The following PROSER1 variants were observed in gnomAD, a reference collection of about 807,000 sequenced individuals.
PROSER1 encodes the protein proline and serine-rich protein 1.
A neutral mutation model predicts 71.8 loss-of-function variants in PROSER1; 36 were observed. The observed-to-expected ratio is 0.50, with a 90% CI of 0.38 to 0.66. PROSER1 has a LOEUF of 0.66. Among genes scored for constraint, PROSER1 ranks in the 30% least tolerant of loss-of-function variants. The pLI is 0.00. For synonymous variants in PROSER1, 490 were observed against 452.4 expected (o/e 1.08, Z -1.06); for missense variants, 1,107 against 1,135.0 (o/e 0.98, Z 0.35).
chr13:39,033,086 C>A (rs978510189), intron 2 of PROSER1, among the ~76,000 whole-genome samples: 3 of 152,068 alleles, frequency 2.0e-5, no homozygotes, highest in Non-Finnish European at 4.4e-5. Context: ...ATGCCCGGCT[C>A]ATTTTTGTAT....
chr13:39,011,161 C>T lies in PROSER1; in HGVS notation c.*204G>A. 2 of 548,582 alleles carry T rather than the reference C, an allele frequency of 3.6e-6. No individual in the cohort carries two copies. Among genetic ancestry groups the T allele is most frequent in the Non-Finnish European group, 6.5e-6 (2 of 307,356 alleles). The allele number at this position is 548,582 out of a possible 1,614,324, so 34.0% of individuals were successfully genotyped here. ...CACTTTTTAAATACCATTCTCCATA[C>T]AATTTATTGTCAGCATATTTACATA... On this transcript the variant is annotated 3_prime_UTR_variant, in exon 13 of 13. Transcript: ENST00000352251.
Position 39,014,311 on chromosome 13 carries a change from G to C in PROSER1, c.941C>G (p.Pro314Arg), listed in dbSNP as rs189331629. ...SGMNLLNTVL[P>R]VFPGQVSSAV... ...TGAGGAGACCTGCCCTGGGAACACA[G>C]GAAGGACAGTATTCAGCAGGTTCAT... Residue 314 changes from proline to arginine, a missense_variant, in exon 11 of 13, where the codon CCT (proline) becomes CGT (arginine). Physicochemically the swap from Pro to Arg is moderately radical, Grantham distance 103 (BLOSUM62 -2). Coordinates refer to ENST00000352251, the MANE Select transcript of PROSER1 (RefSeq NM_025138.5). The C allele has an allele frequency of 1.2e-6, 2 of 1,614,122 alleles. No homozygotes were observed. Among genetic ancestry groups the C allele is most frequent in the Non-Finnish European group, 1.7e-6 (2 of 1,180,022 alleles).
rs1362122987 is a variant in PROSER1, at chr13:39,010,022, T to C, written c.*1343A>G. The C allele has an allele frequency of 6.6e-6, 1 of 152,534 alleles. No homozygotes were observed. Among genetic ancestry groups the C allele is most frequent in the Non-Finnish European group, 1.5e-5 (1 of 68,024 alleles). The allele number at this position is 152,534 out of a possible 1,614,324, so 9.4% of individuals were successfully genotyped here. A position where few individuals can be genotyped will look rare whatever the true frequency, so the allele number is the denominator to read the frequency against. ...ATGACTTTTACATTAAAATATCATTTAAACGAATGAGCAATCAGTAGTATA... is the reference window on the plus strand; with the variant it reads ...ATGACTTTTACATTAAAATATCATTCAAACGAATGAGCAATCAGTAGTATA... On this transcript the variant is annotated 3_prime_UTR_variant, in exon 13 of 13. Coordinates refer to ENST00000352251, the MANE Select transcript of PROSER1 (RefSeq NM_025138.5).
chr13:39,026,414 G>A, intron 5 of PROSER1, 27 bp from the exon 6 acceptor site: 2 of 1,470,330 alleles, frequency 1.4e-6, no homozygotes, highest in Non-Finnish European at 1.9e-6. Context: ...AAGAGGGGTA[G>A]GAAAAAAATT....
chr13:39,032,662 A>G (rs8000929), intron 2 of PROSER1, among the ~76,000 whole-genome samples: 22,083 of 152,082 alleles, frequency 0.15, 1,930 homozygotes, highest in African/African-American at 0.24. Flanking sequence ...ATAAACGTCT[A>G]TGTCCTTAAC....
At position 39,034,119 on chromosome 13, in the gene PROSER1, A is replaced by G; in HGVS notation, c.111+12T>C. ...AAAAGAAAGCTTTGTTTAAACAAAT[A>G]ATGAGGAATACCTGTTCACTAGAAA... On this transcript the variant is annotated intron_variant, in intron 2 of 12. Coordinates refer to ENST00000352251, the MANE Select transcript of PROSER1 (RefSeq NM_025138.5). The G allele has an allele frequency of 6.5e-7, 1 of 1,545,008 alleles. No homozygotes were observed. The highest frequency in any genetic ancestry group is 2.3e-5 in the East Asian group (1 of 42,854).
intron 9 of PROSER1, 103 bp downstream of exon 9, chr13:39,022,223 T>C (rs1474062002): frequency 3.8e-6 from 3 of 794,634 alleles, no homozygotes; most frequent in Non-Finnish European, 6.7e-6. Flanking sequence ...ACTCTTGAGC[T>C]TGTGTTCCCT....
At chr13:39,012,655 G>T in intron 11 of PROSER1, 36 bp downstream of exon 11, 1 of 1,418,652 alleles carries the variant, frequency 7.0e-7, no homozygotes, top group East Asian at 2.3e-5. Flanking sequence ...GTTAGGTGAA[G>T]AATAATTTTA....
intron 10 of PROSER1, among the ~76,000 whole-genome samples, chr13:39,014,702 C>T (rs1191380199): frequency 6.6e-6 from 1 of 152,184 alleles, no homozygotes; most frequent in Non-Finnish European, 1.5e-5. Context: ...AAATAGCCCT[C>T]CAAATCACAG....
intron 7 of PROSER1, among the ~76,000 whole-genome samples, chr13:39,024,154 A>G (rs1870430451): frequency 6.6e-6 from 1 of 152,134 alleles, no homozygotes; most frequent in East Asian, 1.9e-4. Flanking sequence ...TTTCACTAAC[A>G]CTAATTCAGC....
intron 2 of PROSER1, among the ~76,000 whole-genome samples, chr13:39,032,059 A>G (rs1157105118): frequency 6.6e-6 from 1 of 152,212 alleles, no homozygotes; most frequent in Non-Finnish European, 1.5e-5. Flanking sequence ...ATCAAATGTC[A>G]GCTCAGGATT....
At chr13:39,026,207 T>C in intron 6 of PROSER1, 70 bp downstream of exon 6, 1 of 971,010 alleles carries the variant, frequency 1.0e-6, no homozygotes, top group Non-Finnish European at 1.6e-6. Context: ...CCTTTAAATA[T>C]CATTAACTTA....
chr13:39,011,965 TCTG>T, intron 12 of PROSER1, 115 bp downstream of exon 12: 1 of 1,075,104 alleles, frequency 9.3e-7, no homozygotes, highest in Non-Finnish European at 1.4e-6. Context: ...CTCTATGCAT[TCTG>T]CTAAGAGCCA....
chr13:39,022,376 T>C lies in PROSER1; in HGVS notation c.680A>G (p.Asn227Ser), dbSNP rs1343113677. Residue 227 changes from asparagine (N) to serine (S), a missense_variant, in exon 9 of 13, where the codon AAT becomes AGT. By Grantham distance (46) the Asn-to-Ser change is conservative (BLOSUM62 1). Coordinates refer to ENST00000352251, the MANE Select transcript of PROSER1 (RefSeq NM_025138.5). ...YNNAGLVPLANVIAPPPPPYT... is the reference protein window; with the variant it reads ...YNNAGLVPLASVIAPPPPPYT... ...TGGAGGTGGAGGTGGAGCTATGACA[T>C]TCGCTAATGGTACCAGACCTGCATT... 1 of 1,613,052 alleles carries C rather than the reference T, an allele frequency of 6.2e-7. No homozygotes were observed. Among genetic ancestry groups the C allele is most frequent in the East Asian group, 2.2e-5 (1 of 44,854 alleles).
rs745947407 is a variant in PROSER1 at position 39,013,408 on chromosome 13, G to A, written c.1844C>T (p.Thr615Ile). ...VMIKTEPTSPTPSAFKGPSHS... is the reference protein window; with the variant it reads ...VMIKTEPTSPIPSAFKGPSHS... ...AGATGGACCTTTGAAGGCCGAGGGA[G>A]TAGGACTTGTGGGCTCAGTTTTGAT... Residue 615 changes from threonine (T) to isoleucine (I), a missense_variant, in exon 11 of 13, where the codon ACT becomes ATT. Transcript: ENST00000352251. The A allele has an allele frequency of 2.6e-5, 42 of 1,614,180 alleles. No homozygotes were observed. The highest frequency in any genetic ancestry group is 3.5e-5 in the Non-Finnish European group (41 of 1,180,030).
At position 39,025,895 on chromosome 13, in the gene PROSER1, T is replaced by C. The variant is rs1401444690; in HGVS notation, c.480+382A>G. On this transcript the variant is annotated intron_variant, in intron 6 of 12. Coordinates refer to ENST00000352251, the MANE Select transcript of PROSER1 (RefSeq NM_025138.5). The stretch of plus-strand genomic sequence containing the variant: ...GATATAAAAACAAGTTTCTTTTTTA[T>C]AGTACTTCTCAGAGCCTTTATATGC... Among the ~76,000 whole-genome samples, 8 of 152,210 alleles carry C rather than the reference T, an allele frequency of 5.3e-5. No individual in the cohort carries two copies. The East Asian group carries it at 1.5e-3, about 29-fold the overall frequency.
At chr13:39,023,280 T>C in intron 7 of PROSER1, 150 bp from the exon 8 acceptor site, 1 of 556,234 alleles carries the variant, frequency 1.8e-6, no homozygotes, top group Non-Finnish European at 3.2e-6. Flanking sequence ...ATGAGGGAAA[T>C]TTCTTTGCTT....
Position 39,014,216 on chromosome 13 carries a change from G to A in PROSER1, c.1036C>T (p.Pro346Ser), listed in dbSNP as rs1869881924. ...VIRTPSLPTA[P>S]VTSIHSTTTT... ...GTTGTACTGTGGATGGATGTAACAG[G>A]TGCAGTGGGCAATGAAGGGGTTCTG... Residue 346 changes from proline (P) to serine (S), a missense_variant, in exon 11 of 13, where the codon CCT becomes TCT. Coordinates refer to ENST00000352251, the MANE Select transcript of PROSER1 (RefSeq NM_025138.5). The A allele has an allele frequency of 6.2e-7, 1 of 1,614,084 alleles. No homozygotes were observed. Among genetic ancestry groups the A allele is most frequent in the Admixed American group, 1.7e-5 (1 of 60,004 alleles).
At chr13:39,022,565 T>A (rs1251843262) in intron 8 of PROSER1, 153 bp from the exon 9 acceptor site, 4 of 557,066 alleles carry the variant, frequency 7.2e-6, no homozygotes, top group Non-Finnish European at 1.3e-5. Flanking sequence ...TGGAGGTTTA[T>A]GTCTAGAGTT....
Sources: allele counts gnomAD v4.1 joint callset (sites outside exome capture counted in the v4.1 genomes callset), GRCh38; gene constraint gnomAD v4.1.1; transcripts MANE v1.5; gene names NCBI Gene and HGNC (gene_info 2026-07-23, HGNC 2026-07-21).